Variants in GSDMC observed in about 807,000 individuals in gnomAD.
GSDMC encodes the protein gasdermin C, also known as gasdermin-C.
A neutral mutation model predicts 58.0 loss-of-function variants in GSDMC; 59 were observed. The ratio of observed to expected loss-of-function variants is 1.02; its 90% CI spans 0.82 to 1.26. The LOEUF (loss-of-function observed/expected upper bound fraction) is 1.26, where lower values mean the gene tolerates loss of function less well. Ranked by LOEUF, GSDMC falls within the 50% of genes most tolerant of loss-of-function variation. The pLI is 0.00. For synonymous variants in GSDMC, 241 were observed against 220.2 expected, an observed-to-expected ratio of 1.09 and a Z score of -0.83; for missense variants, 659 against 598.5, an observed-to-expected ratio of 1.10 and a Z score of -1.06.
chr8:129,720,521 T>G, the GSDMC span, among the ~76,000 whole-genome samples: 2 of 152,142 alleles, frequency 1.3e-5, no homozygotes, highest in Non-Finnish European at 2.9e-5. Flanking sequence ...TAAGAATAAT[T>G]CCACATACAT....
At chr8:129,776,500 G>A (rs888947237) in intron 2 of GSDMC, among the ~76,000 whole-genome samples, 1 of 152,160 alleles carries the variant, frequency 6.6e-6, no homozygotes, top group African/African-American at 2.4e-5. Flanking sequence ...TGGGCATTGT[G>A]TGACAGAGAT....
chr8:129,752,056 T>G, intron 8 of GSDMC, 50 bp downstream of exon 8: 1 of 1,570,176 alleles, frequency 6.4e-7, no homozygotes, highest in Non-Finnish European at 8.8e-7. Context: ...AATCAGGTGG[T>G]TTTTTGTTGT....
chr8:129,739,473 T>C, the GSDMC span, among the ~76,000 whole-genome samples: 3 of 152,242 alleles, frequency 2.0e-5, no homozygotes, highest in African/African-American at 4.8e-5. Flanking sequence ...TTATTTGTTT[T>C]CTTGCTATTG....
At chr8:129,721,767 G>A in the GSDMC span, among the ~76,000 whole-genome samples, 1 of 152,126 alleles carries the variant, frequency 6.6e-6, no homozygotes, top group African/African-American at 2.4e-5. Context: ...AGAACTTTGG[G>A]TTTACATCCT....
At chr8:129,766,959 C>T (rs1245859413) in intron 3 of GSDMC, among the ~76,000 whole-genome samples, 2 of 152,224 alleles carry the variant, frequency 1.3e-5, no homozygotes, top group Non-Finnish European at 2.9e-5. Context: ...TCAGCAATCA[C>T]TGCATGGATC....
chr8:129,709,910 A>G, the GSDMC span, among the ~76,000 whole-genome samples: 6 of 152,184 alleles, frequency 3.9e-5, no homozygotes, highest in Admixed American at 3.3e-4. Context: ...TAGAGGTCTC[A>G]GCTTTATTGT....
chr8:129,733,754 C>T, the GSDMC span, among the ~76,000 whole-genome samples: 42 of 147,102 alleles, frequency 2.9e-4, no homozygotes, highest in Admixed American at 4.7e-4. Flanking sequence ...AAAACCAGAG[C>T]GCCTCTTCTC....
the GSDMC span, chr8:129,730,346 T>A: frequency 7.6e-7 from 1 of 1,321,978 alleles, no homozygotes; most frequent in Non-Finnish European, 1.1e-6. Flanking sequence ...ATCTTGAAAC[T>A]GTTATGCAAG....
At chr8:129,722,214 C>T in the GSDMC span, among the ~76,000 whole-genome samples, 3 of 152,164 alleles carry the variant, frequency 2.0e-5, no homozygotes, top group Non-Finnish European at 4.4e-5. Context: ...AGAAGCCCTA[C>T]GGTGCTCGGG....
At chr8:129,743,881 G>T (rs1031069084), downstream of GSDMC, among the ~76,000 whole-genome samples, 10 of 152,146 alleles carry the variant, frequency 6.6e-5, no homozygotes, top group African/African-American at 2.2e-4. Flanking sequence ...CATGGTAGCT[G>T]GTTGAAACCC....
intron 4 of GSDMC, among the ~76,000 whole-genome samples, chr8:129,764,728 G>A (rs1259458600): frequency 3.3e-5 from 5 of 152,182 alleles, no homozygotes; most frequent in Non-Finnish European, 5.9e-5. Context: ...CCCCATGAAT[G>A]TATACATCTA....
intron 6 of GSDMC, among the ~76,000 whole-genome samples, chr8:129,755,194 T>C (rs2033378483): frequency 6.6e-6 from 1 of 151,970 alleles, no homozygotes; most frequent in Non-Finnish European, 1.5e-5. Flanking sequence ...AGATCAAGGA[T>C]AAAGAAAGGA....
chr8:129,758,247 C>A (rs191543441), intron 6 of GSDMC, among the ~76,000 whole-genome samples: 1 of 152,184 alleles, frequency 6.6e-6, no homozygotes, highest in Non-Finnish European at 1.5e-5. Context: ...ATGACAGAGC[C>A]ACAGCTAGTT....
At chr8:129,764,177 T>G (rs2033776416) in intron 4 of GSDMC, among the ~76,000 whole-genome samples, 1 of 152,192 alleles carries the variant, frequency 6.6e-6, no homozygotes, top group South Asian at 2.1e-4. Flanking sequence ...TCCTCAAGTG[T>G]CTGTGATTTT....
At chr8:129,764,039 G>A (rs988131780) in intron 4 of GSDMC, among the ~76,000 whole-genome samples, 2 of 152,022 alleles carry the variant, frequency 1.3e-5, no homozygotes, top group African/African-American at 4.8e-5. Context: ...TTTTTGCAAA[G>A]CATTATTCTT....
chr8:129,762,258 G>A (rs550841253), intron 5 of GSDMC, among the ~76,000 whole-genome samples: 46 of 152,318 alleles, frequency 3.0e-4, no homozygotes, highest in African/African-American at 5.3e-4. Flanking sequence ...GGGGTTATGG[G>A]TAACCTTGGG....
At chr8:129,768,695 T>C (rs565096777) in intron 3 of GSDMC, among the ~76,000 whole-genome samples, 1 of 152,122 alleles carries the variant, frequency 6.6e-6, no homozygotes, top group Non-Finnish European at 1.5e-5. Flanking sequence ...TGAAAAGAGA[T>C]ATATGGCACT....
rs779244141 is a variant in GSDMC at position 129,749,520 on chromosome 8, T to A, written c.1219A>T (p.Ser407Cys). 4.3e-6 allele frequency: 7 copies of A among 1,612,738 alleles called. No individual in the cohort carries two copies. The Admixed American group carries it at 1.2e-4, about 27-fold the overall frequency. ...GCCAGCAAATCGTGTTGGAAGTCAC[T>A]CAGCACTGAGGGTGGGGGACATGTG... ...LYLLEAIMVL[S>C]DFQHDLLACS... The change falls in exon 13 of 14, where the codon AGT (serine) becomes TGT (cysteine). Residue 407 changes from serine (S) to cysteine (C), a missense_variant. By Grantham distance (112) the Ser-to-Cys change is moderately radical (BLOSUM62 -1). Coordinates refer to ENST00000276708, the MANE Select transcript of GSDMC (RefSeq NM_031415.3).
downstream of GSDMC, among the ~76,000 whole-genome samples, chr8:129,743,611 C>T (rs2032907859): frequency 1.3e-5 from 2 of 152,094 alleles, no homozygotes; most frequent in Admixed American, 1.3e-4. Flanking sequence ...CTGCCTCTTC[C>T]CATGTGTAGT....
Sources: gnomAD v4.1 joint callset for allele counts (sites outside exome capture counted in the v4.1 genomes callset) on GRCh38, gnomAD v4.1.1 for gene constraint, MANE v1.5 for transcripts, NCBI Gene and HGNC (gene_info 2026-07-23, HGNC 2026-07-21) for gene names.